The following PIK3C2G variants were observed in gnomAD, a reference collection of about 807,000 sequenced individuals.
The protein encoded by PIK3C2G is phosphatidylinositol 3-kinase C2 domain-containing subunit gamma.
Under a neutral mutation model 181.1 loss-of-function variants are expected in PIK3C2G, and 168 were observed. The observed-to-expected ratio is 0.93, with a 90% CI of 0.82 to 1.05. PIK3C2G has a LOEUF of 1.05. Ranked by LOEUF, PIK3C2G falls within the 50% of genes least tolerant of loss-of-function variation. The probability of loss-of-function intolerance (pLI) is 0.00; values close to 1 mark genes in which losing one functional copy is unlikely to be tolerated. For missense variants in PIK3C2G, 1,869 were observed against 1,732.8 expected (o/e 1.08, Z -1.40); for synonymous variants, 573 against 592.2 (o/e 0.97, Z 0.47).
intron 9 of PIK3C2G, among the ~76,000 whole-genome samples, chr12:18,340,258 C>T (rs563911416): frequency 7.2e-5 from 11 of 151,926 alleles, no homozygotes; most frequent in Non-Finnish European, 1.3e-4. Context: ...ACATAAAATA[C>T]ACTAACGCTA....
intron 29 of PIK3C2G, among the ~76,000 whole-genome samples, chr12:18,593,346 A>G (rs1401250205): frequency 5.3e-5 from 8 of 151,934 alleles, no homozygotes; most frequent in African/African-American, 1.9e-4. Flanking sequence ...GCGGATGGAA[A>G]GCTGTGTGTC....
At chr12:18,320,349 GCACA>G (rs1236149323) in intron 6 of PIK3C2G, among the ~76,000 whole-genome samples, 1 of 150,770 alleles carries the variant, frequency 6.6e-6, no homozygotes, top group Non-Finnish European at 1.5e-5. Context: ...GTGTGTGTGA[GCACA>G]CACATATGGG....
At chr12:18,493,481 A>G (rs542800825) in intron 20 of PIK3C2G, 14 of 152,514 alleles carry the variant, frequency 9.2e-5, no homozygotes, top group African/African-American at 3.4e-4. Flanking sequence ...ACACCAGAGA[A>G]TTCACACTGT....
intron 4 of PIK3C2G, 112 bp from the exon 5 acceptor site, chr12:18,293,789 T>TTC (rs1949814992): frequency 1.5e-6 from 1 of 648,182 alleles, no homozygotes; most frequent in African/African-American, 1.8e-5. Flanking sequence ...TTGATGAAGC[T>TTC]AGACAGTTAC....
chr12:18,576,394 C>G (rs1946234304), intron 29 of PIK3C2G, among the ~76,000 whole-genome samples: 1 of 152,058 alleles, frequency 6.6e-6, no homozygotes. Context: ...CATGACTGTG[C>G]CCTCCAGAAA....
chr12:18,599,681 TAA>T (rs761516293), intron 30 of PIK3C2G, among the ~76,000 whole-genome samples: 5 of 99,274 alleles, frequency 5.0e-5, no homozygotes, highest in African/African-American at 1.1e-4. Context: ...TAAATATAAA[TAA>T]AAAAAAATAA....
chr12:18,639,241 T>A (rs114953183), intron 31 of PIK3C2G, among the ~76,000 whole-genome samples: 1,541 of 152,184 alleles, frequency 0.01, 30 homozygotes, highest in African/African-American at 0.036. Flanking sequence ...CTGAATAAAA[T>A]TTAGTCCTAT....
At chr12:18,497,584 GA>G in intron 21 of PIK3C2G, 34 bp from the exon 22 acceptor site, 1 of 1,577,954 alleles carries the variant, frequency 6.3e-7, no homozygotes, top group Non-Finnish European at 8.6e-7. Context: ...CAAATTCAAG[GA>G]AAAACCCAGG....
chr12:18,423,746 T>C (rs1305225626), intron 17 of PIK3C2G, among the ~76,000 whole-genome samples, 199 bp from the exon 18 acceptor site: 3 of 152,196 alleles, frequency 2.0e-5, no homozygotes, highest in Admixed American at 6.6e-5. Flanking sequence ...AGCAAAACTA[T>C]ACAAATCCAA....
At chr12:18,584,436 G>A (rs978299225) in intron 29 of PIK3C2G, among the ~76,000 whole-genome samples, 6 of 152,112 alleles carry the variant, frequency 3.9e-5, no homozygotes, top group Non-Finnish European at 8.8e-5. Context: ...GCTGGGGAAA[G>A]AATTTTGGAA....
intron 8 of PIK3C2G, among the ~76,000 whole-genome samples, chr12:18,335,779 T>A (rs772251160): frequency 6.6e-6 from 1 of 152,160 alleles, no homozygotes; most frequent in African/African-American, 2.4e-5. Flanking sequence ...ATTCTAGCAA[T>A]CTCAGTTATG....
intron 18 of PIK3C2G, among the ~76,000 whole-genome samples, chr12:18,448,047 T>C (rs983087144): frequency 3.3e-5 from 5 of 152,118 alleles, no homozygotes; most frequent in Non-Finnish European, 5.9e-5. Context: ...GTGTAAAATG[T>C]AAACTAAGGT....
rs1454533147 is a variant in PIK3C2G at position 18,472,814 on chromosome 12, C to T, written c.2505-15635C>T. Reference sequence around the variant, plus strand: ...TCCTGGGTTCAAGCAATTCTCCCACCTAAGCTTCCCGAGTAGCTGGGATGA... The same window carrying T: ...TCCTGGGTTCAAGCAATTCTCCCACTTAAGCTTCCCGAGTAGCTGGGATGA... On this transcript the variant is annotated intron_variant, in intron 18 of 32. Transcript: ENST00000538779. Among the ~76,000 whole-genome samples the T allele has an allele frequency of 2.0e-5, 3 of 152,100 alleles. No homozygotes were observed. In the East Asian group the frequency reaches 5.8e-4, roughly 29 times the overall value.
the PIK3C2G span, among the ~76,000 whole-genome samples, chr12:18,703,378 T>A: frequency 2.0e-5 from 3 of 152,180 alleles, no homozygotes; most frequent in Admixed American, 2.0e-4. Context: ...TTAAAAGAAG[T>A]AAAATTTGAA....
chr12:18,500,588 G>T (rs549999923), intron 22 of PIK3C2G, among the ~76,000 whole-genome samples: 1 of 152,304 alleles, frequency 6.6e-6, no homozygotes, highest in Admixed American at 6.5e-5. Context: ...AGATCCACTG[G>T]GTGACGCCAG....
At chr12:18,694,315 A>T in the PIK3C2G span, among the ~76,000 whole-genome samples, 1 of 152,116 alleles carries the variant, frequency 6.6e-6, no homozygotes, top group African/African-American at 2.4e-5. Flanking sequence ...GCGCTCTTTC[A>T]CAAACAAACA....
intron 31 of PIK3C2G, among the ~76,000 whole-genome samples, chr12:18,627,457 C>G (rs181151844): frequency 7.2e-5 from 11 of 152,056 alleles, no homozygotes. Flanking sequence ...AACCTGTGTC[C>G]TTGCATTGGT....
At chr12:18,301,603 G>T (rs1950177590) in intron 5 of PIK3C2G, among the ~76,000 whole-genome samples, 1 of 151,290 alleles carries the variant, frequency 6.6e-6, no homozygotes, top group Non-Finnish European at 1.5e-5. Context: ...CTCTTATTTA[G>T]ATCCTGAATT....
chr12:18,597,894 C>T (rs1173600764), intron 30 of PIK3C2G, among the ~76,000 whole-genome samples: 1 of 152,108 alleles, frequency 6.6e-6, no homozygotes, highest in Non-Finnish European at 1.5e-5. Context: ...AACTCCCATT[C>T]ACAATTGCTT....
Sources: gnomAD v4.1 joint callset for allele counts (sites outside exome capture counted in the v4.1 genomes callset) on GRCh38, gnomAD v4.1.1 for gene constraint, MANE v1.5 for transcripts, NCBI Gene and HGNC (gene_info 2026-07-23, HGNC 2026-07-21) for gene names.